Variants in VPS13B observed in about 807,000 individuals in gnomAD.
VPS13B encodes vacuolar protein sorting 13 homolog B.
A neutral mutation model predicts 426.4 loss-of-function variants in VPS13B; 285 were observed. The observed-to-expected ratio is 0.67, with a 90% CI of 0.61 to 0.74. The LOEUF (loss-of-function observed/expected upper bound fraction) is 0.74. Among genes scored for constraint, VPS13B ranks in the 30% least tolerant of loss-of-function variants. VPS13B has a pLI of 0.00. For synonymous variants in VPS13B, 1,676 were observed against 1,676.4 expected, an observed-to-expected ratio of 1.00 and a Z score of 0.01; for missense variants, 4,537 against 4,782.6, an observed-to-expected ratio of 0.95 and a Z score of 1.51.
intron 17 of VPS13B, among the ~76,000 whole-genome samples, chr8:99,198,555 G>T (rs1186566154): frequency 6.6e-6 from 1 of 151,946 alleles, no homozygotes; most frequent in Non-Finnish European, 1.5e-5. Flanking sequence ...AATATTCTGT[G>T]TTTAAAAGAA....
At chr8:99,405,818 G>A (rs1016405725) in intron 21 of VPS13B, among the ~76,000 whole-genome samples, 9 of 144,318 alleles carry the variant, frequency 6.2e-5, no homozygotes, top group South Asian at 2.2e-4. Context: ...TTGCTCTGTC[G>A]CCCAGGCTGG....
chr8:99,188,346 G>A (rs1366087330), intron 16 of VPS13B, among the ~76,000 whole-genome samples: 1 of 151,944 alleles, frequency 6.6e-6, no homozygotes, highest in Admixed American at 6.6e-5. Context: ...TGACTTTTTG[G>A]TCTGACTTCT....
chr8:99,232,652 T>C (rs1412597701), intron 17 of VPS13B, among the ~76,000 whole-genome samples: 1 of 152,230 alleles, frequency 6.6e-6, no homozygotes, highest in Non-Finnish European at 1.5e-5. Context: ...CCTTCTAATA[T>C]GTGCACACAT....
intron 15 of VPS13B, among the ~76,000 whole-genome samples, 168 bp from the exon 16 acceptor site, chr8:99,169,871 C>T (rs1363449053): frequency 6.6e-6 from 1 of 152,040 alleles, no homozygotes; most frequent in African/African-American, 2.4e-5. Context: ...TTTTGACCTA[C>T]TGTCAAATTG....
At chr8:99,697,407 G>T in intron 35 of VPS13B, 2 of 643,766 alleles carry the variant, frequency 3.1e-6, no homozygotes, top group Non-Finnish European at 2.8e-6. Flanking sequence ...GAAGGACACT[G>T]CCCCCTGCTA....
chr8:99,221,663 T>A (rs956802286), intron 17 of VPS13B, among the ~76,000 whole-genome samples: 1 of 152,016 alleles, frequency 6.6e-6, no homozygotes, highest in African/African-American at 2.4e-5. Flanking sequence ...TTCTTTGAAA[T>A]TTTTTTTGGT....
At chr8:99,637,133 T>TA (rs769092577) in intron 33 of VPS13B, among the ~76,000 whole-genome samples, 4 of 152,058 alleles carry the variant, frequency 2.6e-5, no homozygotes, top group Non-Finnish European at 5.9e-5. Context: ...CTTTCAGAGT[T>TA]ATTATATTGT....
chr8:99,590,479 A>G (rs1826580730), intron 33 of VPS13B, among the ~76,000 whole-genome samples: 1 of 152,194 alleles, frequency 6.6e-6, no homozygotes, highest in Non-Finnish European at 1.5e-5. Flanking sequence ...ATTTAGTGCT[A>G]TAAATTTCCG....
At chr8:99,105,621 T>C (rs1401360208) in intron 5 of VPS13B, among the ~76,000 whole-genome samples, 3 of 152,154 alleles carry the variant, frequency 2.0e-5, no homozygotes, top group Non-Finnish European at 4.4e-5. Flanking sequence ...TCAAGTGATC[T>C]GCCTGCCTCA....
At chr8:99,205,206 GAGAT>G (rs995497334) in intron 17 of VPS13B, among the ~76,000 whole-genome samples, 8 of 152,162 alleles carry the variant, frequency 5.3e-5, no homozygotes, top group Non-Finnish European at 1.2e-4. Context: ...TTTTTGCAGG[GAGAT>G]AGATGGAGCT....
intron 23 of VPS13B, among the ~76,000 whole-genome samples, chr8:99,444,400 T>G (rs1324496576): frequency 6.6e-6 from 1 of 152,212 alleles, no homozygotes; most frequent in Non-Finnish European, 1.5e-5. Flanking sequence ...CCTGGCCAAA[T>G]TAAAGTGTTT....
Position 99,699,579 on chromosome 8 carries a change from A to G in VPS13B, c.6101A>G (p.Lys2034Arg). The change falls in exon 36 of 62, where the codon AAA becomes AGA. Residue 2034 changes from lysine to arginine, a missense_variant. Around this residue, in one of 2 missense-constraint regions of VPS13B, gnomAD observed 4,311 missense variants for 4,474.3 expected, o/e 0.96. Coordinates refer to ENST00000357162, the MANE Select transcript of VPS13B (RefSeq NM_152564.5). ...KPLKANLSFT[K>R]LDQINLFLKK... is the part of the protein sequence containing the mutation. Reference sequence around the variant, plus strand: ...TTGAAAGCAAACCTGAGTTTCACCAAACTGGATCAGATAAACCTTTTTTTA... The same window carrying G: ...TTGAAAGCAAACCTGAGTTTCACCAGACTGGATCAGATAAACCTTTTTTTA... The G allele has an allele frequency of 6.2e-7, 1 of 1,614,102 alleles. No individual in the cohort carries two copies. The highest frequency in any genetic ancestry group is 8.5e-7 in the Non-Finnish European group (1 of 1,180,010).
chr8:99,823,014 C>T (rs116547641), intron 50 of VPS13B, among the ~76,000 whole-genome samples: 1,584 of 152,228 alleles, frequency 0.01, 26 homozygotes, highest in African/African-American at 0.037. Context: ...CTTTGAAAAC[C>T]AGTGTTCTGA....
intron 3 of VPS13B, among the ~76,000 whole-genome samples, chr8:99,060,346 C>T (rs1461631645): frequency 6.6e-6 from 1 of 152,054 alleles, no homozygotes; most frequent in African/African-American, 2.4e-5. Flanking sequence ...TGGTGGTTCA[C>T]CCATGTAATT....
At chr8:99,531,472 T>C (rs1334620526) in intron 30 of VPS13B, among the ~76,000 whole-genome samples, 2 of 152,136 alleles carry the variant, frequency 1.3e-5, no homozygotes, top group East Asian at 1.9e-4. Context: ...TCTTTTCTCT[T>C]TTCTCCTAGT....
intron 19 of VPS13B, among the ~76,000 whole-genome samples, chr8:99,378,270 C>T (rs572000059): frequency 5.9e-5 from 9 of 152,182 alleles, no homozygotes; most frequent in African/African-American, 7.2e-5. Context: ...GCCCGGCCCA[C>T]AGGCAGCCAG....
chr8:99,497,347 A>T (rs2133598805), intron 25 of VPS13B, among the ~76,000 whole-genome samples: 1 of 142,422 alleles, frequency 7.0e-6, no homozygotes, highest in East Asian at 2.3e-4. Flanking sequence ...AAATACATAT[A>T]TACATAAAAT....
At chr8:99,044,384 CTTTT>C (rs1002668232) in intron 3 of VPS13B, among the ~76,000 whole-genome samples, 1 of 143,304 alleles carries the variant, frequency 7.0e-6, no homozygotes, top group Non-Finnish European at 1.5e-5. Context: ...CGCCCGGCCT[CTTTT>C]TTTCTTTTTT....
chr8:99,416,430 C>T (rs933384235), intron 21 of VPS13B, among the ~76,000 whole-genome samples: 1 of 152,060 alleles, frequency 6.6e-6, no homozygotes, highest in Non-Finnish European at 1.5e-5. Context: ...AGCAAATGGT[C>T]TGTCTCGCTG....
Sources: gnomAD v4.1 joint callset for allele counts (sites outside exome capture counted in the v4.1 genomes callset) on GRCh38, gnomAD v4.1.1 for gene constraint, gnomAD v4.1.1 regional missense constraint, MANE v1.5 for transcripts, NCBI Gene and HGNC (gene_info 2026-07-23, HGNC 2026-07-21) for gene names.